Variants in FAM193A observed in about 807,000 individuals in gnomAD.
FAM193A encodes protein FAM193A.
In FAM193A, 22 loss-of-function variants were observed where a neutral mutation model predicts 126.5. The observed-to-expected ratio is 0.17, with a 90% CI of 0.12 to 0.25. The LOEUF is 0.25. Among genes scored for constraint, FAM193A ranks in the 10% least tolerant of loss-of-function variants. FAM193A has a pLI of 1.00. For synonymous variants in FAM193A, 761 were observed against 646.8 expected, an observed-to-expected ratio of 1.18 and a Z score of -2.68; for missense variants, 1,675 against 1,672.8, an observed-to-expected ratio of 1.00 and a Z score of -0.02.
intron 2 of FAM193A, among the ~76,000 whole-genome samples, chr4:2,621,022 A>AT: frequency 6.6e-6 from 1 of 151,974 alleles, no homozygotes; most frequent in East Asian, 1.9e-4. Context: ...GGGTGTCATT[A>AT]TGCCCCACTG....
At chr4:2,563,238 T>C (rs1362675264) in intron 1 of FAM193A, among the ~76,000 whole-genome samples, 2 of 152,188 alleles carry the variant, frequency 1.3e-5, no homozygotes, top group African/African-American at 4.8e-5. Flanking sequence ...CCACTGCGCC[T>C]GGCCTTTGAT....
intron 1 of FAM193A, among the ~76,000 whole-genome samples, chr4:2,570,328 A>G (rs980471729): frequency 1.3e-5 from 2 of 152,182 alleles, no homozygotes; most frequent in African/African-American, 4.8e-5. Context: ...AGTACATTCT[A>G]TGAGTTACTG....
intron 12 of FAM193A, among the ~76,000 whole-genome samples, chr4:2,665,282 A>G (rs966324966): frequency 1.3e-5 from 2 of 152,182 alleles, no homozygotes; most frequent in African/African-American, 2.4e-5. Flanking sequence ...TAGAAATACA[A>G]TTGATTTTTT....
At chr4:2,560,596 T>G (rs772084945) in intron 1 of FAM193A, among the ~76,000 whole-genome samples, 2 of 152,218 alleles carry the variant, frequency 1.3e-5, no homozygotes, top group Non-Finnish European at 2.9e-5. Flanking sequence ...TTTTCCAAAG[T>G]TAACTGCGTG....
chr4:2,613,544 C>T (rs545589059), intron 2 of FAM193A, among the ~76,000 whole-genome samples: 1 of 151,566 alleles, frequency 6.6e-6, no homozygotes, highest in African/African-American at 2.4e-5. Context: ...ACCTCTGCCT[C>T]CTGGGTTCAA....
At chr4:2,538,900 T>C (rs1053974535) in intron 1 of FAM193A, among the ~76,000 whole-genome samples, 2 of 137,040 alleles carry the variant, frequency 1.5e-5, no homozygotes, top group Non-Finnish European at 3.2e-5. Context: ...TTTTTATTTA[T>C]TTTTTTTTGA....
At position 2,710,686 on chromosome 4, in the gene FAM193A, G is replaced by C. The variant is rs186537829; in HGVS notation, c.4373-5337G>C. On this transcript the variant is annotated intron_variant, in intron 19 of 20. Transcript: ENST00000637812. Reference sequence around the variant, plus strand: ...CTCGGCTAATTTTTTTGTAGTTTTTGTAGGAACAGCATTTTGCCAGATTGT... The same window carrying C: ...CTCGGCTAATTTTTTTGTAGTTTTTCTAGGAACAGCATTTTGCCAGATTGT... 3.9e-3 allele frequency among the ~76,000 whole-genome samples: 590 copies of C among 151,614 alleles called. 3 individuals are homozygous for C. Among genetic ancestry groups the C allele is most frequent in the Admixed American group, 0.012 (175 of 15,198 alleles).
chr4:2,599,362 C>T (rs2108914879), intron 2 of FAM193A, among the ~76,000 whole-genome samples: 1 of 152,264 alleles, frequency 6.6e-6, no homozygotes, highest in African/African-American at 2.4e-5. Flanking sequence ...CACTTCGGCT[C>T]TCTGATGGCC....
Position 2,642,251 on chromosome 4 carries a change from C to T in FAM193A, c.1163+2392C>T, listed in dbSNP as rs550458052. On this transcript the variant is annotated intron_variant, in intron 6 of 20. Transcript: ENST00000637812. The stretch of plus-strand genomic sequence containing the variant: ...CCTGGGAGCGGAGGTTGCAGTGAGC[C>T]GAGATCACGCCACTACACTCCAGCC... Among the ~76,000 whole-genome samples the T allele has an allele frequency of 3.9e-5, 6 of 152,002 alleles. No individual in the cohort carries two copies. The South Asian group carries it at 8.3e-4, about 21-fold the overall frequency.
intron 1 of FAM193A, among the ~76,000 whole-genome samples, chr4:2,539,806 A>G (rs1023015701): frequency 2.0e-5 from 3 of 152,138 alleles, no homozygotes; most frequent in African/African-American, 7.2e-5. Context: ...AAATTTCACA[A>G]AACATTTTAG....
rs746227489 is a variant in FAM193A at position 2,663,063 on chromosome 4, T to C, written c.1900-46T>C. On this transcript the variant is annotated intron_variant, in intron 11 of 20. Coordinates refer to ENST00000637812, the MANE Select transcript of FAM193A (RefSeq NM_001366318.2). Reference sequence around the variant, plus strand: ...TGGTCTGACATTTTAATATTTTATATTACTCTGTTTTGAAAAGTGCAAATT... The same window carrying C: ...TGGTCTGACATTTTAATATTTTATACTACTCTGTTTTGAAAAGTGCAAATT... 1.9e-5 allele frequency: 30 copies of C among 1,599,616 alleles called. No homozygotes were observed. In the South Asian group the frequency reaches 3.3e-4, roughly 18 times the overall value.
At chr4:2,682,128 G>GTGCCCACC (rs1469292628) in intron 13 of FAM193A, among the ~76,000 whole-genome samples, 1 of 151,758 alleles carries the variant, frequency 6.6e-6, no homozygotes, top group East Asian at 1.9e-4. Context: ...GGGACTACAG[G>GTGCCCACC]TGCCCACCAC....
At chr4:2,696,127 T>TG in intron 17 of FAM193A, 1 of 434,568 alleles carries the variant, frequency 2.3e-6, no homozygotes, top group South Asian at 2.9e-5. Flanking sequence ...TAGCTATACA[T>TG]GCTTTATCAG....
At chr4:2,655,190 A>G (rs1711532306) in intron 7 of FAM193A, 1 of 623,078 alleles carries the variant, frequency 1.6e-6, no homozygotes, top group East Asian at 2.8e-5. Context: ...TTTCTAGCAA[A>G]TTAAAGAAGT....
At chr4:2,708,682 C>G (rs1226517238) in intron 19 of FAM193A, among the ~76,000 whole-genome samples, 1 of 151,786 alleles carries the variant, frequency 6.6e-6, no homozygotes, top group Non-Finnish European at 1.5e-5. Flanking sequence ...AGGCTGGTCT[C>G]GAACTCCAGA....
intron 7 of FAM193A, among the ~76,000 whole-genome samples, chr4:2,653,361 G>GT (rs1745859806): frequency 6.6e-6 from 1 of 152,172 alleles, no homozygotes; most frequent in South Asian, 2.1e-4. Context: ...AAAGTAAAGT[G>GT]TATTTCTTTA....
chr4:2,622,115 G>C (rs919081657), intron 2 of FAM193A, among the ~76,000 whole-genome samples: 5 of 152,054 alleles, frequency 3.3e-5, no homozygotes, highest in African/African-American at 1.2e-4. Flanking sequence ...AATTAAGCCA[G>C]GTGTGGTGGC....
At chr4:2,730,537 G>T (rs1721254392) in intron 20 of FAM193A, among the ~76,000 whole-genome samples, 1 of 151,938 alleles carries the variant, frequency 6.6e-6, no homozygotes, top group African/African-American at 2.4e-5. Context: ...AAAAATAGAA[G>T]AAATTAGCTG....
At chr4:2,716,995 A>AT (rs1254396995) in intron 20 of FAM193A, among the ~76,000 whole-genome samples, 2 of 143,550 alleles carry the variant, frequency 1.4e-5, no homozygotes, top group Non-Finnish European at 3.0e-5. Context: ...CATTTTTTTT[A>AT]TTTTTTGAGA....
Sources: gnomAD v4.1 joint callset for allele counts (sites outside exome capture counted in the v4.1 genomes callset) on GRCh38, gnomAD v4.1.1 for gene constraint, MANE v1.5 for transcripts, NCBI Gene and HGNC (gene_info 2026-07-23, HGNC 2026-07-21) for gene names.